The following RIPOR3 variants were observed in gnomAD, a reference collection of about 807,000 sequenced individuals.
RIPOR3 encodes RIPOR family member 3, also known as family with sequence similarity 65 member C.
Under a neutral mutation model 114.3 loss-of-function variants are expected in RIPOR3, and 95 were observed. The observed-to-expected ratio is 0.83, with a 90% confidence interval of 0.70 to 0.99. The LOEUF is 0.99. Ranked by LOEUF, RIPOR3 falls within the 50% of genes least tolerant of loss-of-function variation. The pLI, the probability that RIPOR3 is intolerant of heterozygous loss-of-function variation, is 0.00. For synonymous variants in RIPOR3, 575 were observed against 543.8 expected (o/e 1.06, Z -0.80); for missense variants, 1,252 against 1,266.9 (o/e 0.99, Z 0.18).
At chr20:50,595,805 G>A (rs888042584) in intron 15 of RIPOR3, among the ~76,000 whole-genome samples, 1 of 152,228 alleles carries the variant, frequency 6.6e-6, no homozygotes. Flanking sequence ...CGTGCATCCA[G>A]CCGAGCCTGA....
intron 2 of RIPOR3, among the ~76,000 whole-genome samples, 155 bp downstream of exon 2, chr20:50,630,571 ATCTCTCTCTCTC>A (rs140830420): frequency 0.092 from 12,202 of 133,100 alleles, 1,613 homozygotes; most frequent in African/African-American, 0.29. Context: ...CTCAATCTCA[ATCTCTCTCTCTC>A]TCTCTCTCTC....
intron 17 of RIPOR3, 49 bp downstream of exon 17, chr20:50,594,504 C>T (rs1368909535): frequency 6.3e-7 from 1 of 1,588,800 alleles, no homozygotes; most frequent in Non-Finnish European, 8.6e-7. Context: ...CCTGGAGACT[C>T]AATACAGCCT....
At chr20:50,620,701 G>C (rs1323697661) in intron 2 of RIPOR3, 1 of 309,210 alleles carries the variant, frequency 3.2e-6, no homozygotes, top group African/African-American at 2.2e-5. Context: ...TAGATTTGAG[G>C]ATTAAAAGAA....
intron 2 of RIPOR3, among the ~76,000 whole-genome samples, chr20:50,623,276 A>G (rs961043751): frequency 2.1e-4 from 31 of 145,728 alleles, no homozygotes; most frequent in Admixed American, 4.0e-4. Context: ...AAAAAAAAAA[A>G]AAAGAAAAAA....
At chr20:50,642,648 G>A (rs2426190) in intron 1 of RIPOR3, among the ~76,000 whole-genome samples, 1 of 149,258 alleles carries the variant, frequency 6.7e-6, no homozygotes, top group Non-Finnish European at 1.5e-5. Context: ...CAGAAATACC[G>A]TGAATTTGTC....
rs144770807 is a variant in RIPOR3, at chr20:50,604,027, C to T, written c.1086+618G>A. On this transcript the variant is annotated intron_variant, in intron 12 of 21. Coordinates refer to ENST00000327979, the MANE Select transcript of RIPOR3 (RefSeq NM_001290268.2). ...TGAAACCCCGTCTCTACTAAAAATA[C>T]GAAAATTAGCCAGATGTGGTGGCGT... Among the ~76,000 whole-genome samples, 416 of 151,984 alleles carry T rather than the reference C, an allele frequency of 2.7e-3. 1 individual carries two copies. Among genetic ancestry groups the T allele is most frequent in the African/African-American group, 9.5e-3 (393 of 41,454 alleles).
intron 1 of RIPOR3, among the ~76,000 whole-genome samples, chr20:50,679,818 A>G (rs1413109270): frequency 6.6e-6 from 1 of 151,164 alleles, no homozygotes; most frequent in Non-Finnish European, 1.5e-5. Flanking sequence ...TTAGCCAGGC[A>G]TGGCGGCATA....
intron 19 of RIPOR3, among the ~76,000 whole-genome samples, chr20:50,590,385 G>T (rs1331189861): frequency 6.6e-6 from 1 of 152,252 alleles, no homozygotes; most frequent in Non-Finnish European, 1.5e-5. Flanking sequence ...AGCGTCTGCG[G>T]CTGCAAAGGG....
At position 50,593,207 on chromosome 20, in the gene RIPOR3, G is replaced by A. The variant is rs376086239; in HGVS notation, c.2213-11C>T. ...GGAGCCTGCGGCACGCTGGCCAAAG[G>A]GGAGAGTACATCAGGAGAAACTGAG... On this transcript the variant is annotated splice_polypyrimidine_tract_variant and intron_variant, in intron 17 of 21. Coordinates refer to ENST00000327979, the MANE Select transcript of RIPOR3 (RefSeq NM_001290268.2). 10 of 1,609,654 alleles carry A rather than the reference G, an allele frequency of 6.2e-6. No individual in the cohort carries two copies. Among genetic ancestry groups the A allele is most frequent in the African/African-American group, 2.7e-5 (2 of 75,016 alleles).
At chr20:50,673,384 C>G (rs1435980890) in intron 1 of RIPOR3, among the ~76,000 whole-genome samples, 1 of 152,098 alleles carries the variant, frequency 6.6e-6, no homozygotes, top group Non-Finnish European at 1.5e-5. Context: ...GGGCATTGCT[C>G]TCTGCCACGT....
At chr20:50,650,561 C>T in intron 1 of RIPOR3, among the ~76,000 whole-genome samples, 1 of 152,126 alleles carries the variant, frequency 6.6e-6, no homozygotes, top group East Asian at 1.9e-4. Context: ...ACGTTGGCCT[C>T]CCAAAGTGTT....
chr20:50,641,125 G>T (rs1416646407), intron 1 of RIPOR3, among the ~76,000 whole-genome samples: 1 of 151,952 alleles, frequency 6.6e-6, no homozygotes, highest in Non-Finnish European at 1.5e-5. Context: ...TGGTCAGGCT[G>T]GTCTCAAACT....
chr20:50,687,809 AG>A (rs2087079580), intron 1 of RIPOR3, among the ~76,000 whole-genome samples: 1 of 152,026 alleles, frequency 6.6e-6, no homozygotes, highest in Non-Finnish European at 1.5e-5. Context: ...AAGGTGAGAC[AG>A]GAGAATTGCT....
intron 1 of RIPOR3, among the ~76,000 whole-genome samples, chr20:50,676,769 C>A (rs192780953): frequency 0.056 from 7,398 of 132,794 alleles, 271 homozygotes; most frequent in Non-Finnish European, 0.073. Flanking sequence ...CCAGATTCTA[C>A]TTTTTTTTTT....
intron 1 of RIPOR3, among the ~76,000 whole-genome samples, chr20:50,684,029 C>T (rs1394755952): frequency 1.3e-5 from 2 of 151,530 alleles, no homozygotes; most frequent in East Asian, 3.9e-4. Flanking sequence ...TGCAGTGAGC[C>T]GAGATTACAC....
At chr20:50,595,581 C>A in intron 15 of RIPOR3, 77 bp from the exon 16 acceptor site, 1 of 1,564,942 alleles carries the variant, frequency 6.4e-7, no homozygotes, top group Non-Finnish European at 8.7e-7. Flanking sequence ...GTGGCTCCCA[C>A]CTGCTTGTGC....
chr20:50,638,921 G>C (rs1473554083), intron 1 of RIPOR3, among the ~76,000 whole-genome samples: 1 of 152,148 alleles, frequency 6.6e-6, no homozygotes. Context: ...GGCTATTCCA[G>C]GCCAAGCACC....
In RIPOR3 at chr20:50,611,287, C is replaced by T. The variant is rs1361348024; in HGVS notation, c.349-83G>A. On this transcript the variant is annotated intron_variant, in intron 4 of 21. Transcript: ENST00000327979. ...GGCCTATGAGGCTCTATGCTGGCGG[C>T]GCCTGAGCTCAGAGTCAGAGGACAG... 38 of 1,579,874 alleles carry T rather than the reference C, an allele frequency of 2.4e-5. 1 individual carries two copies. In the South Asian group the frequency reaches 3.6e-4, roughly 15 times the overall value.
chr20:50,587,669 CA>C, intron 21 of RIPOR3, 132 bp downstream of exon 21: 1 of 810,098 alleles, frequency 1.2e-6, no homozygotes. Flanking sequence ...GGCTCTGTGC[CA>C]GGGCTGCTAA....
Sources: gnomAD v4.1 joint callset for allele counts (sites outside exome capture counted in the v4.1 genomes callset) on GRCh38, gnomAD v4.1.1 for gene constraint, MANE v1.5 for transcripts, NCBI Gene and HGNC (gene_info 2026-07-23, HGNC 2026-07-21) for gene names.